The following PTOV1 variants were observed in gnomAD, a reference collection of about 807,000 sequenced individuals.
PTOV1 encodes the protein prostate tumor-overexpressed gene 1 protein.
PTOV1 carries 20 observed loss-of-function variants against 58.0 expected under a neutral mutation model. That is an observed-to-expected ratio of 0.34 (90% CI 0.24 to 0.50). PTOV1 has a LOEUF of 0.50. Among genes scored for constraint, PTOV1 ranks in the 20% least tolerant of loss-of-function variants. PTOV1 has a pLI of 0.98. For missense variants in PTOV1, 593 were observed against 565.4 expected (o/e 1.05, Z -0.50); for synonymous variants, 335 against 234.2 (o/e 1.43, Z -3.93).
chr19:49,852,615 G>GA (rs1173030509), intron 1 of PTOV1: 1 of 152,164 alleles, frequency 6.6e-6, no homozygotes, highest in Non-Finnish European at 1.5e-5. Flanking sequence ...TCCTGCTGTG[G>GA]AAGGTATCCC....
Position 49,857,452 on chromosome 19 carries a change from T to C in PTOV1, c.715-241T>C, listed in dbSNP as rs2074524492. 4.9e-6 allele frequency: 3 copies of C among 609,504 alleles called. No homozygotes were observed. In the African/African-American group the frequency reaches 5.6e-5, roughly 11 times the overall value. 37.8% of individuals were successfully genotyped at this position (609,504 alleles called of 1,614,324 possible). A position where few individuals can be genotyped will look rare whatever the true frequency, so the allele number is the denominator to read the frequency against. ...ACGTGTCCTGGTCATGCCTTGCCAG[T>C]TGAGGCAGACTCTGCAGGTCCTGTG... On this transcript the variant is annotated intron_variant, in intron 6 of 11. Transcript: ENST00000391842.
intron 5 of PTOV1, chr19:49,855,524 G>A: frequency 4.6e-6 from 1 of 217,710 alleles, no homozygotes; most frequent in South Asian, 7.0e-5. Flanking sequence ...CCGTGAGGGA[G>A]CAGAGCTGAG....
At chr19:49,856,851 G>C (rs898142466) in intron 5 of PTOV1, 124 bp from the exon 6 acceptor site, 5 of 1,194,786 alleles carry the variant, frequency 4.2e-6, no homozygotes, top group Non-Finnish European at 5.9e-6. Flanking sequence ...CCATGGCCTT[G>C]ACTGTGGGGG....
At chr19:49,859,959 G>A in intron 10 of PTOV1, 27 bp from the exon 11 acceptor site, 1 of 1,611,802 alleles carries the variant, frequency 6.2e-7, no homozygotes, top group East Asian at 2.2e-5. Context: ...GGTGCTGTCT[G>A]GTGACACCAC....
At chr19:49,860,571 G>C (rs2074713787) in exon 12 of PTOV1, 2 of 556,056 alleles carry the variant, frequency 3.6e-6, no homozygotes, top group Admixed American at 6.7e-5. Context: ...GTCAGTGCTT[G>C]GGAGCCTGTG....
chr19:49,859,544 CCTGGGCGA>C (rs1161166012), intron 10 of PTOV1, among the ~76,000 whole-genome samples: 1 of 151,924 alleles, frequency 6.6e-6, no homozygotes, highest in Non-Finnish European at 1.5e-5. Context: ...TGTACTCCAG[CCTGGGCGA>C]CAAGAGCGAA....
chr19:49,853,014 G>A (rs1174629124), intron 1 of PTOV1: 1 of 152,262 alleles, frequency 6.6e-6, no homozygotes, highest in East Asian at 1.9e-4. Context: ...CTGATCTTCT[G>A]ACGACTGCCC....
chr19:49,858,852 G>A (rs2074604008), intron 10 of PTOV1, 199 bp downstream of exon 10: 2 of 546,584 alleles, frequency 3.7e-6, no homozygotes, highest in Admixed American at 3.0e-5. Context: ...CCCTGGTTCT[G>A]CGGGGGCCTG....
At chr19:49,858,569 C>A in exon 10 of PTOV1, 1 of 1,603,306 alleles carries the variant, frequency 6.2e-7, no homozygotes, top group Non-Finnish European at 8.5e-7. Flanking sequence ...TGCCGCTGTT[C>A]CGGAACTCGC....
chr19:49,858,137 T>C, intron 9 of PTOV1, 23 bp downstream of exon 9: 2 of 1,610,328 alleles, frequency 1.2e-6, no homozygotes, highest in Middle Eastern at 1.7e-4. Flanking sequence ...GGCCGGGTGC[T>C]GGAGCCTGCA....
At position 49,858,650 on chromosome 19, in the gene PTOV1, C is replaced by T. The variant is rs34436456; in HGVS notation, c.1038C>T (p.Gly346=). ...GCCTGTGCCGGATCATGGACAATGG[C>T]TTCGTGAGTGGTGCCAGCAGACGCA... The change falls in exon 10 of 12, where the codon GGC becomes GGT. Residue 346 remains glycine (G), a synonymous_variant. Transcript: ENST00000391842. The T allele has an allele frequency of 8.3e-3, 13,223 of 1,594,170 alleles. 60 individuals carry two copies. The highest frequency in any genetic ancestry group is 1.0e-2 in the Non-Finnish European group (11,685 of 1,169,610).
At chr19:49,851,416 C>G (rs2074240785) in exon 1 of PTOV1, 1 of 1,205,272 alleles carries the variant, frequency 8.3e-7, no homozygotes, top group Non-Finnish European at 1.0e-6. Flanking sequence ...CCTCGTGGTG[C>G]GCGCCGTCCG....
intron 9 of PTOV1, 81 bp from the exon 10 acceptor site, chr19:49,858,468 G>C: frequency 8.5e-7 from 1 of 1,172,688 alleles, no homozygotes; most frequent in East Asian, 2.6e-5. Context: ...TTGGTCCTGG[G>C]CCCGGGGGAC....
At chr19:49,860,556 G>C (rs2032481196) in exon 12 of PTOV1, 1 of 581,388 alleles carries the variant, frequency 1.7e-6, no homozygotes, top group South Asian at 2.2e-5. Context: ...TCACAGGGAT[G>C]TGGGGTCAGT....
chr19:49,858,282 G>T (rs2074571909), intron 9 of PTOV1, 168 bp downstream of exon 9: 2 of 915,080 alleles, frequency 2.2e-6, no homozygotes, highest in Admixed American at 5.2e-5. Flanking sequence ...GCTTCAAGGG[G>T]TCCCAGGCAG....
intron 2 of PTOV1, 26 bp downstream of exon 2, chr19:49,854,569 G>T: frequency 6.2e-7 from 1 of 1,612,422 alleles, no homozygotes; most frequent in Non-Finnish European, 8.5e-7. Flanking sequence ...GCTGCGGCTG[G>T]CCTCCAGGGT....
intron 6 of PTOV1, chr19:49,857,416 G>A (rs558203051): frequency 1.6e-6 from 1 of 606,596 alleles, no homozygotes; most frequent in Non-Finnish European, 2.9e-6. Flanking sequence ...GGAAGGCCCT[G>A]CCTGGTAACC....
At chr19:49,855,890 G>A (rs955340923) in intron 5 of PTOV1, among the ~76,000 whole-genome samples, 2 of 152,110 alleles carry the variant, frequency 1.3e-5, no homozygotes, top group Non-Finnish European at 2.9e-5. Flanking sequence ...TCTGGCGCAG[G>A]GCAGGTCAGA....
exon 9 of PTOV1, chr19:49,858,057 G>A (rs766337690): frequency 1.6e-5 from 26 of 1,613,988 alleles, no homozygotes; most frequent in Non-Finnish European, 2.0e-5. Context: ...TGCCCCACAG[G>A]AGGACCGAGC....
Sources: gnomAD v4.1 joint callset for allele counts (sites outside exome capture counted in the v4.1 genomes callset) on GRCh38, gnomAD v4.1.1 for gene constraint, MANE v1.5 for transcripts, NCBI Gene and HGNC (gene_info 2026-07-23, HGNC 2026-07-21) for gene names.